The following SEPHS1 variants were observed in gnomAD, a reference collection of about 807,000 sequenced individuals.
The protein encoded by SEPHS1 is selenophosphate synthetase 1, also known as zincore component SEPHS1.
SEPHS1 carries 7 observed loss-of-function variants against 39.2 expected under a neutral mutation model. The observed-to-expected ratio is 0.18, with a 90% CI of 0.10 to 0.34. The LOEUF (loss-of-function observed/expected upper bound fraction) is 0.34, where lower values mean the gene tolerates loss of function less well. SEPHS1 is among the 10% of genes least tolerant of loss of function. The pLI is 1.00. For synonymous variants in SEPHS1, 190 were observed against 195.5 expected (o/e 0.97, Z 0.23); for missense variants, 253 against 514.5 (o/e 0.49, Z 4.92).
At chr10:13,338,232 TAATG>T (rs1379883887) in intron 3 of SEPHS1, among the ~76,000 whole-genome samples, 7 of 152,138 alleles carry the variant, frequency 4.6e-5, no homozygotes, top group Non-Finnish European at 7.4e-5. Context: ...ATATCCGAAT[TAATG>T]TTTGAGGCAT....
chr10:13,331,785 T>G (rs1833479737), intron 5 of SEPHS1, among the ~76,000 whole-genome samples: 1 of 152,196 alleles, frequency 6.6e-6, no homozygotes, highest in Non-Finnish European at 1.5e-5. Context: ...AGTAAGCACA[T>G]GAAAAGATGC....
At position 13,333,940 on chromosome 10, in the gene SEPHS1, T is replaced by C. The variant is rs758874151; in HGVS notation, c.437A>G (p.Gln146Arg). The change falls in exon 5 of 9, where the codon CAA becomes CGA. Residue 146 changes from glutamine (Q) to arginine (R), a missense_variant. Physicochemically the swap from Gln to Arg is conservative, Grantham distance 43 (BLOSUM62 1). Around this residue, in one of 4 missense-constraint regions of SEPHS1, gnomAD observed 123 missense variants for 196.8 expected, o/e 0.62. Transcript: ENST00000327347. ...TTCCTCAGCTGCGTCTTTAAAACCT[T>C]GGATAATCAGAGGCATCACTTTATC... ...ERDKVMPLII[Q>R]GFKDAAEEAG... 4 of 1,613,882 alleles carry C rather than the reference T, an allele frequency of 2.5e-6. No individual in the cohort carries two copies. The highest frequency in any genetic ancestry group is 2.2e-5 in the East Asian group (1 of 44,872).
intron 5 of SEPHS1, among the ~76,000 whole-genome samples, chr10:13,333,438 T>A (rs1470830534): frequency 6.7e-6 from 1 of 148,804 alleles, no homozygotes. Context: ...CAGCCTTGCG[T>A]TCTTGTCTTT....
chr10:13,322,721 G>A (rs1467669470), intron 8 of SEPHS1, 114 bp downstream of exon 8: 2 of 970,110 alleles, frequency 2.1e-6, no homozygotes, highest in East Asian at 2.6e-5. Flanking sequence ...GCCGAGGTCA[G>A]CAGCATGGAA....
At chr10:13,332,191 G>C (rs1057210083) in intron 5 of SEPHS1, among the ~76,000 whole-genome samples, 13 of 152,232 alleles carry the variant, frequency 8.5e-5, no homozygotes, top group Non-Finnish European at 1.8e-4. Flanking sequence ...ATACAGCCAT[G>C]GAAAGGAATG....
intron 5 of SEPHS1, among the ~76,000 whole-genome samples, chr10:13,333,290 T>C (rs1833523420): frequency 6.6e-6 from 1 of 151,868 alleles, no homozygotes; most frequent in Non-Finnish European, 1.5e-5. Flanking sequence ...TGTACCATCA[T>C]GCCTGGCTAA....
chr10:13,339,617 CT>C (rs1469168831), intron 2 of SEPHS1, among the ~76,000 whole-genome samples: 1 of 151,854 alleles, frequency 6.6e-6, no homozygotes, highest in Non-Finnish European at 1.5e-5. Context: ...ACAGCTGTTC[CT>C]TGGTATCTGT....
intron 2 of SEPHS1, among the ~76,000 whole-genome samples, chr10:13,341,455 G>GC (rs35582737): frequency 0.42 from 60,526 of 143,014 alleles, 13,745 homozygotes; most frequent in East Asian, 0.69. Flanking sequence ...CCCCTGCACC[G>GC]CCCCCGCCAG....
At chr10:13,328,756 A>G (rs1341064866) in intron 6 of SEPHS1, among the ~76,000 whole-genome samples, 1 of 152,158 alleles carries the variant, frequency 6.6e-6, no homozygotes, top group African/African-American at 2.4e-5. Flanking sequence ...GTGTCCTGCT[A>G]GTGGAGAAGG....
chr10:13,320,743 G>A (rs527414850), intron 8 of SEPHS1, among the ~76,000 whole-genome samples: 3 of 152,132 alleles, frequency 2.0e-5, no homozygotes, highest in African/African-American at 7.2e-5. Context: ...CAAGAGAATC[G>A]CTTGAACCGG....
rs369311909 is a variant in SEPHS1 at position 13,336,367 on chromosome 10, A to T, written c.298-17T>A. On this transcript the variant is annotated splice_polypyrimidine_tract_variant and intron_variant, in intron 3 of 8. Coordinates refer to ENST00000327347, the MANE Select transcript of SEPHS1 (RefSeq NM_012247.5). ...TATCCTGCCCTGGGAAGAGAGGGAAACATGAGAAAGGACGACCGGGGACTT... is the reference window on the plus strand; with the variant it reads ...TATCCTGCCCTGGGAAGAGAGGGAATCATGAGAAAGGACGACCGGGGACTT... 4.7e-4 allele frequency: 748 copies of T among 1,592,230 alleles called. No individual in the cohort carries two copies. Among genetic ancestry groups the T allele is most frequent in the Non-Finnish European group, 6.2e-4 (721 of 1,160,470 alleles).
At chr10:13,322,308 C>CT (rs1554788594) in intron 8 of SEPHS1, among the ~76,000 whole-genome samples, 6 of 150,744 alleles carry the variant, frequency 4.0e-5, no homozygotes, top group Non-Finnish European at 8.9e-5. Flanking sequence ...CGCCCAGCTA[C>CT]TTTTTTTTTG....
intron 2 of SEPHS1, among the ~76,000 whole-genome samples, chr10:13,339,552 C>G (rs547867368): frequency 1.3e-5 from 2 of 152,082 alleles, no homozygotes; most frequent in African/African-American, 4.8e-5. Flanking sequence ...GAAAGCTGAA[C>G]ACAGTGAGCA....
chr10:13,324,786 AT>A (rs990721669), intron 7 of SEPHS1, among the ~76,000 whole-genome samples: 1 of 151,994 alleles, frequency 6.6e-6, no homozygotes, highest in East Asian at 1.9e-4. Flanking sequence ...AATTTTTTGT[AT>A]TTTTTTGGTA....
At chr10:13,330,712 T>C (rs1307126174) in intron 5 of SEPHS1, among the ~76,000 whole-genome samples, 1 of 152,178 alleles carries the variant, frequency 6.6e-6, no homozygotes, top group Non-Finnish European at 1.5e-5. Context: ...GTATCCACTC[T>C]CAGCTTTGAA....
At chr10:13,341,357 T>C (rs907164337) in intron 2 of SEPHS1, among the ~76,000 whole-genome samples, 2 of 151,692 alleles carry the variant, frequency 1.3e-5, no homozygotes, top group Non-Finnish European at 2.9e-5. Context: ...CAGGAGGCAA[T>C]GGGCAAACTT....
At position 13,318,971 on chromosome 10, in the gene SEPHS1, GA is replaced by G; in HGVS notation, c.*170del. 12 of 630,260 alleles carry G rather than the reference GA, an allele frequency of 1.9e-5. No homozygotes were observed. Among genetic ancestry groups the G allele is most frequent in the Non-Finnish European group, 2.2e-5 (8 of 369,494 alleles). 39.0% of individuals were successfully genotyped at this position (630,260 alleles called of 1,614,324 possible). On this transcript the variant is annotated 3_prime_UTR_variant, in exon 9 of 9. Coordinates refer to ENST00000327347, the MANE Select transcript of SEPHS1 (RefSeq NM_012247.5). ...GGTGCATCTTCAGTTAATGTAACAG[GA>G]AAAAAAGGCAATGGATTTTATTTTA... is the stretch of plus-strand genomic sequence containing the variant.
intron 8 of SEPHS1, among the ~76,000 whole-genome samples, chr10:13,321,441 T>A (rs1435891537): frequency 6.6e-6 from 1 of 151,980 alleles, no homozygotes; most frequent in Non-Finnish European, 1.5e-5. Context: ...AGAGACAGGG[T>A]TTCACCATGT....
At chr10:13,325,798 TGAGGCAG>T (rs1241249863) in intron 7 of SEPHS1, among the ~76,000 whole-genome samples, 1 of 148,758 alleles carries the variant, frequency 6.7e-6, no homozygotes, top group Non-Finnish European at 1.5e-5. Context: ...CTCCAGAGGC[TGAGGCAG>T]GAGAATCGCT....
Sources: gnomAD v4.1 joint callset for allele counts (sites outside exome capture counted in the v4.1 genomes callset) on GRCh38, gnomAD v4.1.1 for gene constraint, gnomAD v4.1.1 regional missense constraint, MANE v1.5 for transcripts, NCBI Gene and HGNC (gene_info 2026-07-23, HGNC 2026-07-21) for gene names.